The following PTPRR variants were observed in gnomAD, a reference collection of about 807,000 sequenced individuals.
PTPRR encodes protein tyrosine phosphatase receptor type R, also known as receptor-type tyrosine-protein phosphatase R.
A neutral mutation model predicts 77.2 loss-of-function variants in PTPRR; 38 were observed. That is an observed-to-expected ratio of 0.49 (90% CI 0.38 to 0.65). The LOEUF (loss-of-function observed/expected upper bound fraction) is 0.65, where lower values mean the gene tolerates loss of function less well. Ranked by LOEUF, PTPRR falls within the 30% of genes least tolerant of loss-of-function variation. PTPRR has a pLI of 0.00. For missense variants in PTPRR, 744 were observed against 799.2 expected, an observed-to-expected ratio of 0.93 and a Z score of 0.83; for synonymous variants, 299 against 283.1, an observed-to-expected ratio of 1.06 and a Z score of -0.57.
intron 2 of PTPRR, among the ~76,000 whole-genome samples, chr12:70,889,711 T>A (rs762559942): frequency 6.6e-5 from 10 of 151,910 alleles, no homozygotes; most frequent in Non-Finnish European, 1.2e-4. Flanking sequence ...TGCCTCTGTA[T>A]CCTCTCCTCC....
At chr12:70,849,374 G>A (rs896046319) in intron 2 of PTPRR, among the ~76,000 whole-genome samples, 1 of 152,150 alleles carries the variant, frequency 6.6e-6, no homozygotes, top group African/African-American at 2.4e-5. Flanking sequence ...AGGTTTGGAG[G>A]GAATCCAAGT....
chr12:70,658,967 A>T (rs984157492), intron 12 of PTPRR, among the ~76,000 whole-genome samples: 1 of 127,544 alleles, frequency 7.8e-6, no homozygotes, highest in Non-Finnish European at 1.5e-5. Context: ...CAGTGGCGGG[A>T]TCTTGACTCA....
intron 2 of PTPRR, among the ~76,000 whole-genome samples, chr12:70,869,193 A>C (rs900577707): frequency 6.6e-6 from 1 of 152,070 alleles, no homozygotes; most frequent in Non-Finnish European, 1.5e-5. Context: ...ATAATAATAA[A>C]ATTAAAAAAA....
At chr12:70,781,202 A>G (rs1891196109) in intron 2 of PTPRR, among the ~76,000 whole-genome samples, 4 of 152,200 alleles carry the variant, frequency 2.6e-5, no homozygotes, top group Admixed American at 2.6e-4. Context: ...TGGCACCAAA[A>G]AGTCAGACAA....
intron 2 of PTPRR, among the ~76,000 whole-genome samples, chr12:70,887,809 T>C (rs998209084): frequency 3.9e-5 from 6 of 152,136 alleles, no homozygotes; most frequent in Admixed American, 3.3e-4. Flanking sequence ...GGTGGTGTGC[T>C]ATGCTTCCCA....
At position 70,682,034 on chromosome 12, in the gene PTPRR, CTTTTTT is replaced by C. The variant is rs578204454; in HGVS notation, c.1497+2087_1497+2092del. ...TAGGCAGATTTATTTTTGTTGTTCA[CTTTTTT>C]TTTTTTTTTTTTTTTTTTTTTGAGA... is the stretch of plus-strand genomic sequence containing the variant. On this transcript the variant is annotated intron_variant, in intron 10 of 13. Transcript: ENST00000283228. 1.1e-3 allele frequency among the ~76,000 whole-genome samples: 70 copies of C among 62,720 alleles called. No homozygotes were observed. In the East Asian group the frequency reaches 0.031, roughly 28 times the overall value. The allele number at this position is 62,720 out of a possible 152,430, so 41.1% of individuals were successfully genotyped here.
chr12:70,733,482 G>A (rs11178384), intron 6 of PTPRR, among the ~76,000 whole-genome samples: 18,473 of 90,420 alleles, frequency 0.2, 2,922 homozygotes, highest in African/African-American at 0.32. Context: ...AAAAAAAAAA[G>A]AAAAAAAAAG....
At chr12:70,772,103 T>C (rs1890991288) in intron 2 of PTPRR, among the ~76,000 whole-genome samples, 1 of 152,198 alleles carries the variant, frequency 6.6e-6, no homozygotes, top group Non-Finnish European at 1.5e-5. Flanking sequence ...TAGTTTACTG[T>C]ATGTATTTTC....
chr12:70,692,750 A>G (rs953735769), intron 8 of PTPRR, among the ~76,000 whole-genome samples: 5 of 152,098 alleles, frequency 3.3e-5, no homozygotes, highest in Admixed American at 6.6e-5. Flanking sequence ...TGTCTTTCTG[A>G]AGTTCTCCCT....
chr12:70,684,942 T>C (rs887194491), intron 8 of PTPRR, 159 bp from the exon 9 acceptor site: 62 of 505,920 alleles, frequency 1.2e-4, no homozygotes, highest in African/African-American at 1.1e-3. Flanking sequence ...ATATGTTTAT[T>C]GAGGGACATT....
chr12:70,681,964 A>G (rs539925158), intron 10 of PTPRR, among the ~76,000 whole-genome samples: 5 of 151,950 alleles, frequency 3.3e-5, no homozygotes, highest in African/African-American at 1.2e-4. Context: ...TTATACCATA[A>G]GAAGGCCAGA....
At chr12:70,817,065 A>T (rs1011426091) in intron 2 of PTPRR, among the ~76,000 whole-genome samples, 3 of 152,088 alleles carry the variant, frequency 2.0e-5, no homozygotes, top group Non-Finnish European at 4.4e-5. Flanking sequence ...TGCTAAATAG[A>T]TGGGTGAACA....
At chr12:70,865,158 C>T (rs1892821370) in intron 2 of PTPRR, among the ~76,000 whole-genome samples, 1 of 152,074 alleles carries the variant, frequency 6.6e-6, no homozygotes, top group Admixed American at 6.6e-5. Context: ...GTTTGGCCCT[C>T]ATTTCTCTCT....
At chr12:70,812,579 C>T (rs1891828870) in intron 2 of PTPRR, among the ~76,000 whole-genome samples, 1 of 152,184 alleles carries the variant, frequency 6.6e-6, no homozygotes, top group Non-Finnish European at 1.5e-5. Context: ...ACCCACGTTT[C>T]CCATCTGAGA....
chr12:70,836,285 T>C (rs888682452), intron 2 of PTPRR, among the ~76,000 whole-genome samples: 15 of 150,826 alleles, frequency 9.9e-5, no homozygotes, highest in Non-Finnish European at 1.9e-4. Context: ...ACAATTCTAA[T>C]GGCAGTATCT....
chr12:70,895,521 T>C (rs966488092), intron 1 of PTPRR, among the ~76,000 whole-genome samples: 3 of 151,502 alleles, frequency 2.0e-5, no homozygotes, highest in African/African-American at 7.3e-5. Context: ...TGTTCCTGAG[T>C]AATGAGTTCT....
intron 11 of PTPRR, 36 bp from the exon 12 acceptor site, chr12:70,661,133 C>T: frequency 1.9e-6 from 3 of 1,580,032 alleles, no homozygotes; most frequent in Non-Finnish European, 1.7e-6. Flanking sequence ...GCCTCATTCA[C>T]TTGTAGAACT....
chr12:70,801,512 G>T (rs1891614218), intron 2 of PTPRR, among the ~76,000 whole-genome samples: 1 of 152,194 alleles, frequency 6.6e-6, no homozygotes, highest in South Asian at 2.1e-4. Flanking sequence ...AGGTACACCG[G>T]TTTTCTCCCG....
chr12:70,771,029 A>G (rs1890961243), intron 2 of PTPRR, among the ~76,000 whole-genome samples: 1 of 150,910 alleles, frequency 6.6e-6, no homozygotes. Context: ...GGGGAGGTAT[A>G]GTTTTAGGAG....
Sources: allele counts gnomAD v4.1 joint callset (sites outside exome capture counted in the v4.1 genomes callset), GRCh38; gene constraint gnomAD v4.1.1; transcripts MANE v1.5; gene names NCBI Gene and HGNC (gene_info 2026-07-23, HGNC 2026-07-21).